Variants in PEF1 observed in about 807,000 individuals in gnomAD.
PEF1 encodes the protein penta-EF-hand domain containing 1.
A neutral mutation model predicts 32.0 loss-of-function variants in PEF1; 17 were observed. The ratio of observed to expected loss-of-function variants is 0.53; its 90% confidence interval spans 0.36 to 0.80. The LOEUF (loss-of-function observed/expected upper bound fraction) is 0.80. Ranked by LOEUF, PEF1 falls within the 30% of genes least tolerant of loss-of-function variation. The pLI, the probability that PEF1 is intolerant of heterozygous loss-of-function variation, is 0.00. For synonymous variants in PEF1, 130 were observed against 139.8 expected, an observed-to-expected ratio of 0.93 and a Z score of 0.50; for missense variants, 362 against 369.1, an observed-to-expected ratio of 0.98 and a Z score of 0.16.
chr1:31,642,545 G>T (rs1173631361), intron 1 of PEF1, among the ~76,000 whole-genome samples: 1 of 152,210 alleles, frequency 6.6e-6, no homozygotes, highest in Admixed American at 6.5e-5. Context: ...GTGGGTGGAG[G>T]GGAGGCAGCA....
intron 4 of PEF1, among the ~76,000 whole-genome samples, chr1:31,631,147 C>T (rs993333027): frequency 8.5e-5 from 13 of 152,176 alleles, no homozygotes; most frequent in Non-Finnish European, 1.8e-4. Flanking sequence ...ATCTCTGATT[C>T]GTTTGCATTC....
At chr1:31,630,988 T>A (rs1474930788) in intron 4 of PEF1, 146 bp from the exon 5 acceptor site, 2 of 705,344 alleles carry the variant, frequency 2.8e-6, no homozygotes, top group Admixed American at 4.7e-5. Context: ...CCCAAGGGTC[T>A]GTCTAAGATG....
intron 2 of PEF1, among the ~76,000 whole-genome samples, chr1:31,634,558 G>C (rs1640205299): frequency 6.6e-6 from 1 of 152,058 alleles, no homozygotes; most frequent in Non-Finnish European, 1.5e-5. Flanking sequence ...CCCATGGTAG[G>C]CTACATTATC....
chr1:31,640,529 G>A (rs1412300309), intron 1 of PEF1, among the ~76,000 whole-genome samples: 1 of 152,152 alleles, frequency 6.6e-6, no homozygotes, highest in African/African-American at 2.4e-5. Flanking sequence ...ATCTCTCAGA[G>A]CCTTCAAGCC....
At position 31,644,829 on chromosome 1, in the gene PEF1, T is replaced by G. The variant is rs370802583; in HGVS notation, c.24+12A>C. 3.1e-6 allele frequency: 5 copies of G among 1,613,678 alleles called. No individual in the cohort carries two copies. In the African/African-American group the frequency reaches 6.7e-5, roughly 22 times the overall value. ...GCCGCTACCTGGATTCGCGGGCCCC[T>G]CACACACTCACCTGCCGGTAAGGAT... On this transcript the variant is annotated intron_variant, in intron 1 of 4. Coordinates refer to ENST00000373703, the MANE Select transcript of PEF1 (RefSeq NM_012392.4).
chr1:31,643,159 A>G (rs559819459), intron 1 of PEF1, among the ~76,000 whole-genome samples: 1 of 152,360 alleles, frequency 6.6e-6, no homozygotes, highest in South Asian at 2.1e-4. Context: ...TACTAGAGTC[A>G]AAAAAGTGAC....
chr1:31,644,469 A>G (rs1226375566), intron 1 of PEF1: 31 of 1,194,564 alleles, frequency 2.6e-5, no homozygotes, highest in Non-Finnish European at 3.2e-5. Context: ...CGACGCCCCA[A>G]ATGAGATCGG....
intron 1 of PEF1, among the ~76,000 whole-genome samples, chr1:31,637,674 GAGAA>G (rs1640293549): frequency 6.8e-6 from 1 of 147,806 alleles, no homozygotes; most frequent in Non-Finnish European, 1.5e-5. Flanking sequence ...AAAAGAGAGA[GAGAA>G]AGAAAGAATC....
At chr1:31,634,605 T>C (rs1640206282) in intron 2 of PEF1, among the ~76,000 whole-genome samples, 1 of 152,110 alleles carries the variant, frequency 6.6e-6, no homozygotes, top group South Asian at 2.1e-4. Context: ...GGAGACACAG[T>C]CTGCACACCC....
Position 31,635,344 on chromosome 1 carries a change from T to C in PEF1, c.203A>G (p.Asn68Ser), listed in dbSNP as rs540510395. Residue 68 changes from asparagine (N) to serine (S), a missense_variant, in exon 2 of 5, where the codon AAT (asparagine) becomes AGT (serine). Transcript: ENST00000373703. ...PAGGGPYGHP[N>S]PGMFPSGTPG... is the part of the protein sequence containing the mutation. ...AGTTCCAGAGGGGAACATCCCAGGA[T>C]TGGGGTGTCCATAGGGCCCTCCACC... The C allele has an allele frequency of 1.2e-6, 2 of 1,613,976 alleles. No individual in the cohort carries two copies. The highest frequency in any genetic ancestry group is 2.2e-5 in the East Asian group (1 of 44,876).
rs1488337185 is a variant in PEF1, at chr1:31,630,803, G to A, written c.665C>T (p.Thr222Ile). Residue 222 changes from threonine to isoleucine, a missense_variant, in exon 5 of 5, where the codon ACC becomes ATC. By Grantham distance (89) the Thr-to-Ile change is moderately conservative. Transcript: ENST00000373703. ...QMGYNLSPQFTQLLVSRYCPR... is the reference protein window; with the variant it reads ...QMGYNLSPQFIQLLVSRYCPR... ...GCAGTAGCGGGAGACCAGAAGCTGG[G>A]TGAACTGGGGGCTCAGGTTGTAGCC... 1 of 1,612,782 alleles carries A rather than the reference G, an allele frequency of 6.2e-7. No homozygotes were observed.
Position 31,630,599 on chromosome 1 carries a change from C to T in PEF1, c.*14G>A, listed in dbSNP as rs2148614762. 1 of 1,611,176 alleles carries T rather than the reference C, an allele frequency of 6.2e-7. No individual in the cohort carries two copies. The highest frequency in any genetic ancestry group is 2.2e-5 in the East Asian group (1 of 44,880). On this transcript the variant is annotated 3_prime_UTR_variant, in exon 5 of 5. Transcript: ENST00000373703. ...AAGGTCCCTGGTGCACTCCACTCTCCACAGATGGTTGGGTCATAGCATCCG... is the reference window on the plus strand; with the variant it reads ...AAGGTCCCTGGTGCACTCCACTCTCTACAGATGGTTGGGTCATAGCATCCG...
At chr1:31,633,128 G>A (rs1341294682) in intron 3 of PEF1, 31 bp downstream of exon 3, 11 of 1,598,466 alleles carry the variant, frequency 6.9e-6, no homozygotes, top group Non-Finnish European at 8.5e-6. Flanking sequence ...CTCTGCCCCA[G>A]CTCAGGCCCA....
chr1:31,642,201 C>G (rs1640409128), intron 1 of PEF1, among the ~76,000 whole-genome samples: 1 of 152,136 alleles, frequency 6.6e-6, no homozygotes, highest in Non-Finnish European at 1.5e-5. Context: ...CCATTGCACT[C>G]CAGCCTGGGC....
Position 31,630,775 on chromosome 1 carries a change from T to G in PEF1, c.693A>C (p.Pro231=). 1 of 1,613,910 alleles carries G rather than the reference T, an allele frequency of 6.2e-7. No individual in the cohort carries two copies. The highest frequency in any genetic ancestry group is 8.5e-7 in the Non-Finnish European group (1 of 1,180,030). ...FTQLLVSRYC[P]RSANPAMQLD... ...GCTGCATGGCAGGATTGGCAGAGCG[T>G]GGGCAGTAGCGGGAGACCAGAAGCT... The change falls in exon 5 of 5, where the codon CCA becomes CCC. Residue 231 remains proline (P), a synonymous_variant. Coordinates refer to ENST00000373703, the MANE Select transcript of PEF1 (RefSeq NM_012392.4).
In PEF1 at chr1:31,630,579, C is replaced by T. The variant is rs770652591; in HGVS notation, c.*34G>A. ...CTCACTCTAAGAAGCCAGGAAAGGT[C>T]CCTGGTGCACTCCACTCTCCACAGA... On this transcript the variant is annotated 3_prime_UTR_variant, in exon 5 of 5. Coordinates refer to ENST00000373703, the MANE Select transcript of PEF1 (RefSeq NM_012392.4). 6.3e-7 allele frequency: 1 copy of T among 1,589,186 alleles called. No homozygotes were observed. The highest frequency in any genetic ancestry group is 2.2e-5 in the East Asian group (1 of 44,720).
chr1:31,633,201 T>G lies in PEF1; in HGVS notation c.439A>C (p.Asn147His), dbSNP rs1047852178. The change falls in exon 3 of 5, where the codon AAT (asparagine) becomes CAT (histidine). Residue 147 changes from asparagine (N) to histidine (H), a missense_variant. Physicochemically the swap from Asn to His is moderately conservative, Grantham distance 68. Coordinates refer to ENST00000373703, the MANE Select transcript of PEF1 (RefSeq NM_012392.4). The part of the protein sequence containing the change: ...KELKQALVNC[N>H]WSSFNDETCL... ...GTCTCATCATTGAATGAAGACCAAT[T>G]GCAGTTGACCAGGGCCTGCTTTAGC... The G allele has an allele frequency of 2.5e-6, 4 of 1,614,094 alleles. No homozygotes were observed. Among genetic ancestry groups the G allele is most frequent in the Non-Finnish European group, 3.4e-6 (4 of 1,179,992 alleles).
At chr1:31,643,450 C>T (rs1036652379) in intron 1 of PEF1, among the ~76,000 whole-genome samples, 2 of 152,210 alleles carry the variant, frequency 1.3e-5, no homozygotes, top group African/African-American at 4.8e-5. Context: ...GCTACACTTC[C>T]TAACTCCAGC....
At chr1:31,644,635 G>GA in intron 1 of PEF1, 1 of 1,444,884 alleles carries the variant, frequency 6.9e-7, no homozygotes, top group Non-Finnish European at 9.1e-7. Flanking sequence ...AAGGGGGCGC[G>GA]ACACGACCTC....
Sources: allele counts gnomAD v4.1 joint callset (sites outside exome capture counted in the v4.1 genomes callset), GRCh38; gene constraint gnomAD v4.1.1; transcripts MANE v1.5; gene names NCBI Gene and HGNC (gene_info 2026-07-23, HGNC 2026-07-21).